The following PHACTR1 variants were observed in gnomAD, a reference collection of about 807,000 sequenced individuals.
The protein encoded by PHACTR1 is RPEL repeat containing 1.
In PHACTR1, 16 loss-of-function variants were observed where a neutral mutation model predicts 69.2. The observed-to-expected ratio is 0.23, with a 90% CI of 0.16 to 0.35. The LOEUF is 0.35. Among genes scored for constraint, PHACTR1 ranks in the 10% least tolerant of loss-of-function variants. PHACTR1 has a pLI of 1.00. For synonymous variants in PHACTR1, 312 were observed against 284.5 expected, an observed-to-expected ratio of 1.10 and a Z score of -0.97; for missense variants, 510 against 734.7, an observed-to-expected ratio of 0.69 and a Z score of 3.54.
intron 10 of PHACTR1, among the ~76,000 whole-genome samples, chr6:13,261,330 C>G (rs184763838): frequency 6.6e-6 from 1 of 152,042 alleles, no homozygotes; most frequent in Non-Finnish European, 1.5e-5. Context: ...AGGAAAGAAC[C>G]AAGAAAGAGG....
intron 4 of PHACTR1, among the ~76,000 whole-genome samples, chr6:12,937,255 T>C (rs192209177): frequency 6.6e-6 from 1 of 152,050 alleles, no homozygotes; most frequent in African/African-American, 2.4e-5. Context: ...AAGACAATAA[T>C]AAAAATGGCC....
chr6:13,106,944 A>G (rs1816252930), intron 5 of PHACTR1, among the ~76,000 whole-genome samples: 1 of 152,126 alleles, frequency 6.6e-6, no homozygotes, highest in African/African-American at 2.4e-5. Flanking sequence ...ATATTACTGG[A>G]TTAAATTTGA....
intron 5 of PHACTR1, among the ~76,000 whole-genome samples, chr6:13,145,540 A>G (rs1424924673): frequency 6.6e-6 from 1 of 152,180 alleles, no homozygotes; most frequent in Non-Finnish European, 1.5e-5. Context: ...CCCACCACCA[A>G]ATTCATATGT....
chr6:12,749,575 A>AGCCTCTTCCTCTCCCCTCCTCCCCCTTCC lies in PHACTR1; in HGVS notation c.104-62_104-34dup, dbSNP rs1306013590. ...TTCCCCTCCCCCTCCCCCGTGCGCGAGCCTCTTCCTCTCCCCTCCTCCCCC... is the reference window on the plus strand; with the variant it reads ...TTCCCCTCCCCCTCCCCCGTGCGCGAGCCTCTTCCTCTCCCCTCCTCCCCCTTCCGCCTCTTCCTCTCCCCTCCTCCCCC... On this transcript the variant is annotated intron_variant, in intron 3 of 14. Transcript: ENST00000332995. 15 of 480,382 alleles carry AGCCTCTTCCTCTCCCCTCCTCCCCCTTCC rather than the reference A, an allele frequency of 3.1e-5. No homozygotes were observed. The East Asian group carries it at 5.0e-4, about 16-fold the overall frequency. The allele number at this position is 480,382 out of a possible 1,614,324, so 29.8% of individuals were successfully genotyped here.
intron 5 of PHACTR1, among the ~76,000 whole-genome samples, chr6:13,155,653 G>T (rs1410317028): frequency 2.0e-5 from 3 of 152,178 alleles, no homozygotes; most frequent in South Asian, 4.1e-4. Context: ...ACTTTGGGAG[G>T]CCAAGGCGGG....
At chr6:13,197,828 A>C (rs752104414) in intron 7 of PHACTR1, among the ~76,000 whole-genome samples, 4 of 151,968 alleles carry the variant, frequency 2.6e-5, no homozygotes, top group Non-Finnish European at 5.9e-5. Context: ...CTCCTCCTCC[A>C]CAAGGCTCTG....
intron 3 of PHACTR1, among the ~76,000 whole-genome samples, chr6:12,731,969 GT>G (rs1214384162): frequency 6.6e-6 from 1 of 150,604 alleles, no homozygotes; most frequent in African/African-American, 2.4e-5. Flanking sequence ...TTAAAGGAAA[GT>G]TTTACCTTTT....
rs778818440 is a variant in PHACTR1 at position 13,246,196 on chromosome 6, A to T, written c.1391+16003A>T. On this transcript the variant is annotated intron_variant, in intron 10 of 14. Coordinates refer to ENST00000332995, the MANE Select transcript of PHACTR1 (RefSeq NM_030948.6). The surrounding 1 kb of genome is among the most constrained non-coding windows in gnomAD (Gnocchi z 4.2). The stretch of plus-strand genomic sequence containing the variant: ...TTAGTTAGCAACCATAACAACTCAT[A>T]TATCTTCGTTGATTTTCTCAAAAGA... Among the ~76,000 whole-genome samples, 2 of 152,216 alleles carry T rather than the reference A, an allele frequency of 1.3e-5. No homozygotes were observed. The highest frequency in any genetic ancestry group is 2.4e-5 in the African/African-American group (1 of 41,456).
intron 4 of PHACTR1, among the ~76,000 whole-genome samples, chr6:12,894,149 AT>A (rs941041205): frequency 1.3e-5 from 2 of 152,260 alleles, no homozygotes; most frequent in African/African-American, 4.8e-5. Context: ...TAACTCATCT[AT>A]TCAAGTACTT....
At chr6:13,200,442 G>A (rs181883740) in intron 7 of PHACTR1, among the ~76,000 whole-genome samples, 35 of 152,152 alleles carry the variant, frequency 2.3e-4, no homozygotes, top group African/African-American at 7.0e-4. Flanking sequence ...CACCACACCC[G>A]GCCAGGAAGC....
chr6:12,921,634 G>A, intron 4 of PHACTR1, among the ~76,000 whole-genome samples: 1 of 120,628 alleles, frequency 8.3e-6, no homozygotes, highest in Non-Finnish European at 1.8e-5. Flanking sequence ...GGAAGGAGAG[G>A]GAGGGAGGGA....
At chr6:13,214,302 G>A (rs1289952627) in intron 8 of PHACTR1, 1 of 151,772 alleles carries the variant, frequency 6.6e-6, no homozygotes, top group African/African-American at 2.4e-5. Flanking sequence ...CTGTTGTGTT[G>A]TGTTTGATGT....
chr6:13,004,369 T>C (rs1798526302), intron 4 of PHACTR1, among the ~76,000 whole-genome samples: 1 of 152,156 alleles, frequency 6.6e-6, no homozygotes, highest in Non-Finnish European at 1.5e-5. Context: ...AGCATTTCTC[T>C]GATTAGTGAA....
chr6:12,794,867 G>C (rs868803980), intron 4 of PHACTR1, among the ~76,000 whole-genome samples: 1 of 152,254 alleles, frequency 6.6e-6, no homozygotes, highest in African/African-American at 2.4e-5. Flanking sequence ...GGAGGCAGGG[G>C]CCAGATGACA....
At position 12,933,812 on chromosome 6, in the gene PHACTR1, A is replaced by G. The variant is rs753872265; in HGVS notation, c.251-119553A>G. The G allele has an allele frequency of 1.9e-5, 30 of 1,612,590 alleles. No homozygotes were observed. The African/African-American group carries it at 3.9e-4, about 21-fold the overall frequency. On this transcript the variant is annotated intron_variant, in intron 4 of 14. Transcript: ENST00000332995. ...CCCCAGTACAGGTGGACAATTCTCT[A>G]CTCAGGGTATGAGCCCTGTTCAAGG...
intron 4 of PHACTR1, among the ~76,000 whole-genome samples, chr6:12,863,015 T>C (rs1781097313): frequency 6.6e-6 from 1 of 152,230 alleles, no homozygotes; most frequent in Non-Finnish European, 1.5e-5. Context: ...ACCATAGCTT[T>C]TCACCTTTAG....
intron 5 of PHACTR1, among the ~76,000 whole-genome samples, chr6:13,150,892 A>C (rs1002929307): frequency 6.6e-6 from 1 of 152,194 alleles, no homozygotes; most frequent in Non-Finnish European, 1.5e-5. Flanking sequence ...CTTCTAGGCT[A>C]TAGGTGTTGC....
At chr6:13,038,172 C>G (rs539963412) in intron 4 of PHACTR1, among the ~76,000 whole-genome samples, 2 of 152,230 alleles carry the variant, frequency 1.3e-5, no homozygotes, top group Admixed American at 6.5e-5. Context: ...GAAGCAGATG[C>G]TGTTATTATC....
At chr6:12,723,168 G>A (rs1310542108) in intron 3 of PHACTR1, among the ~76,000 whole-genome samples, 2 of 152,086 alleles carry the variant, frequency 1.3e-5, no homozygotes, top group African/African-American at 4.8e-5. Context: ...ACAGACCCTG[G>A]GAGGGCCAGC....
Sources: gnomAD v4.1 joint callset for allele counts (sites outside exome capture counted in the v4.1 genomes callset) on GRCh38, gnomAD v4.1.1 for gene constraint, Gnocchi (gnomAD v3.1) non-coding constraint, MANE v1.5 for transcripts, NCBI Gene and HGNC (gene_info 2026-07-23, HGNC 2026-07-21) for gene names.